Variants in ST6GALNAC5 observed in about 807,000 individuals in gnomAD.
The protein encoded by ST6GALNAC5 is alpha-N-acetylgalactosaminide alpha-2,6-sialyltransferase 5.
ST6GALNAC5 carries 27 observed loss-of-function variants against 33.6 expected under a neutral mutation model. The observed-to-expected ratio is 0.80, with a 90% CI of 0.59 to 1.11. The LOEUF is 1.11. Among genes scored for constraint, ST6GALNAC5 ranks in the 50% least tolerant of loss-of-function variants. The pLI is 0.00. For synonymous variants in ST6GALNAC5, 194 were observed against 171.2 expected (o/e 1.13, Z -1.04); for missense variants, 428 against 454.0 (o/e 0.94, Z 0.52).
chr1:76,988,322 A>ACAGAAG (rs1211202078), intron 2 of ST6GALNAC5, among the ~76,000 whole-genome samples: 2 of 152,014 alleles, frequency 1.3e-5, no homozygotes, highest in African/African-American at 4.8e-5. Flanking sequence ...TGTCCTTGCC[A>ACAGAAG]ATATTTTAAT....
At position 76,910,923 on chromosome 1, in the gene ST6GALNAC5, T is replaced by A. The variant is rs146761529; in HGVS notation, c.261+42181T>A. 1.8e-3 allele frequency among the ~76,000 whole-genome samples: 276 copies of A among 151,732 alleles called. 1 individual carries two copies. The highest frequency in any genetic ancestry group is 6.0e-3 in the African/African-American group (250 of 41,394). Reference sequence around the variant, plus strand: ...AATTCAAGTTCAGCACCCACTGCAATTGTAGATGATAAAAATGAGGCATTC... The same window carrying A: ...AATTCAAGTTCAGCACCCACTGCAAATGTAGATGATAAAAATGAGGCATTC... On this transcript the variant is annotated intron_variant, in intron 2 of 4. Transcript: ENST00000477717.
intron 2 of ST6GALNAC5, among the ~76,000 whole-genome samples, chr1:77,010,282 G>C (rs1415109838): frequency 6.6e-6 from 1 of 152,118 alleles, no homozygotes; most frequent in Non-Finnish European, 1.5e-5. Context: ...ATTACCTGAG[G>C]TAAGGTGGTC....
intron 2 of ST6GALNAC5, among the ~76,000 whole-genome samples, chr1:76,917,819 T>G (rs1358995636): frequency 1.3e-5 from 2 of 151,426 alleles, no homozygotes; most frequent in Admixed American, 6.6e-5. Flanking sequence ...CCAAGAAGAG[T>G]CTTGAAGTTT....
At chr1:76,995,508 G>A (rs940022570) in intron 2 of ST6GALNAC5, 4 of 151,936 alleles carry the variant, frequency 2.6e-5, no homozygotes, top group Non-Finnish European at 4.4e-5. Context: ...TCTTATTGAC[G>A]GACAAGTTAC....
chr1:76,894,003 T>A (rs1654069835), intron 2 of ST6GALNAC5, among the ~76,000 whole-genome samples: 1 of 152,188 alleles, frequency 6.6e-6, no homozygotes, highest in Admixed American at 6.5e-5. Flanking sequence ...AACCCTGAGA[T>A]GTGGCCATGG....
intron 2 of ST6GALNAC5, among the ~76,000 whole-genome samples, chr1:76,990,733 G>A (rs1649690719): frequency 1.3e-5 from 2 of 152,064 alleles, no homozygotes; most frequent in African/African-American, 2.4e-5. Flanking sequence ...CTGGCAACTG[G>A]GCAGTTTGAT....
chr1:76,963,527 G>T (rs1648332419), intron 2 of ST6GALNAC5, among the ~76,000 whole-genome samples: 1 of 152,182 alleles, frequency 6.6e-6, no homozygotes, highest in Admixed American at 6.5e-5. Flanking sequence ...GAAGAATGGG[G>T]TGTCCAAATC....
At chr1:76,992,845 G>T (rs534972787) in intron 2 of ST6GALNAC5, among the ~76,000 whole-genome samples, 5 of 152,130 alleles carry the variant, frequency 3.3e-5, no homozygotes, top group Non-Finnish European at 7.4e-5. Flanking sequence ...GGCCACAGAC[G>T]ATTCCTGTGT....
chr1:77,009,310 G>A (rs540466176), intron 2 of ST6GALNAC5, among the ~76,000 whole-genome samples: 4 of 152,162 alleles, frequency 2.6e-5, no homozygotes, highest in Non-Finnish European at 5.9e-5. Flanking sequence ...GTAGATTTTG[G>A]TGGATGGGAA....
At chr1:76,962,828 G>A (rs1648294772) in intron 2 of ST6GALNAC5, among the ~76,000 whole-genome samples, 1 of 152,136 alleles carries the variant, frequency 6.6e-6, no homozygotes, top group Non-Finnish European at 1.5e-5. Flanking sequence ...CAGATATATG[G>A]CTGCTGTTTT....
At chr1:76,991,520 A>G (rs1475829549) in intron 2 of ST6GALNAC5, among the ~76,000 whole-genome samples, 2 of 152,106 alleles carry the variant, frequency 1.3e-5, no homozygotes, top group South Asian at 2.1e-4. Context: ...TTCTCATTCA[A>G]TTTGCATGAA....
At chr1:76,951,265 AGAGCT>A (rs1271159005) in intron 2 of ST6GALNAC5, among the ~76,000 whole-genome samples, 1 of 152,180 alleles carries the variant, frequency 6.6e-6, no homozygotes, top group African/African-American at 2.4e-5. Flanking sequence ...AAAGAGGAGC[AGAGCT>A]GTGATTGTCT....
intron 2 of ST6GALNAC5, among the ~76,000 whole-genome samples, chr1:77,011,800 A>G (rs888846857): frequency 1.1e-4 from 16 of 152,258 alleles, no homozygotes; most frequent in African/African-American, 3.9e-4. Context: ...TTTTGATAGT[A>G]ACATTTTTAT....
chr1:77,055,241 G>T (rs1652351599), intron 4 of ST6GALNAC5, among the ~76,000 whole-genome samples: 1 of 152,128 alleles, frequency 6.6e-6, no homozygotes, highest in Non-Finnish European at 1.5e-5. Flanking sequence ...CTCTACTGAT[G>T]CATTTATGTG....
intron 2 of ST6GALNAC5, among the ~76,000 whole-genome samples, chr1:77,013,539 T>A (rs147525937): frequency 6.6e-6 from 1 of 152,216 alleles, no homozygotes; most frequent in Non-Finnish European, 1.5e-5. Context: ...CCTGCAGTCA[T>A]GTTACGATTT....
intron 2 of ST6GALNAC5, among the ~76,000 whole-genome samples, chr1:76,896,962 A>G (rs573407729): frequency 6.6e-5 from 10 of 152,274 alleles, no homozygotes; most frequent in Admixed American, 6.5e-4. Context: ...TGACCGCACT[A>G]ACCATGCCTA....
At chr1:76,920,498 C>T (rs570212823) in intron 2 of ST6GALNAC5, among the ~76,000 whole-genome samples, 2 of 152,274 alleles carry the variant, frequency 1.3e-5, no homozygotes, top group Middle Eastern at 3.4e-3. Flanking sequence ...AAATAATCAA[C>T]TTATCTACTT....
At chr1:76,881,475 A>G (rs1002655749) in intron 2 of ST6GALNAC5, among the ~76,000 whole-genome samples, 15 of 152,196 alleles carry the variant, frequency 9.9e-5, no homozygotes, top group African/African-American at 3.6e-4. Flanking sequence ...CTGAGATCCC[A>G]TGACAATACT....
chr1:77,054,391 AG>A (rs1316862129), intron 4 of ST6GALNAC5, among the ~76,000 whole-genome samples: 1 of 152,224 alleles, frequency 6.6e-6, no homozygotes, highest in Admixed American at 6.5e-5. Context: ...CGACTTGGTC[AG>A]GGGCAGACCC....
Sources: allele counts gnomAD v4.1 joint callset (sites outside exome capture counted in the v4.1 genomes callset), GRCh38; gene constraint gnomAD v4.1.1; transcripts MANE v1.5; gene names NCBI Gene and HGNC (gene_info 2026-07-23, HGNC 2026-07-21).